The following ABTB2 variants were observed in gnomAD, a reference collection of about 807,000 sequenced individuals.
ABTB2 encodes the protein ankyrin repeat and BTB/POZ domain-containing protein 2.
A neutral mutation model predicts 104.1 loss-of-function variants in ABTB2; 56 were observed. The ratio of observed to expected loss-of-function variants is 0.54; its 90% CI spans 0.43 to 0.67. The LOEUF is 0.67. Among genes scored for constraint, ABTB2 ranks in the 30% least tolerant of loss-of-function variants. ABTB2 has a pLI of 0.00. For missense variants in ABTB2, 1,279 were observed against 1,407.7 expected (o/e 0.91, Z 1.46); for synonymous variants, 606 against 608.2 (o/e 1.00, Z 0.05).
chr11:34,216,373 C>T (rs368228004), intron 1 of ABTB2, among the ~76,000 whole-genome samples: 1 of 152,136 alleles, frequency 6.6e-6, no homozygotes, highest in South Asian at 2.1e-4. Context: ...TTTACTGTCT[C>T]CATAGTTTTG....
intron 1 of ABTB2, among the ~76,000 whole-genome samples, chr11:34,261,127 C>T (rs1461297276): frequency 6.6e-6 from 1 of 152,056 alleles, no homozygotes; most frequent in East Asian, 1.9e-4. Context: ...CATCTCCCCG[C>T]CTGCCCCCCC....
At chr11:34,298,583 C>A (rs7102645) in intron 1 of ABTB2, among the ~76,000 whole-genome samples, 15,064 of 152,068 alleles carry the variant, frequency 0.099, 2,313 homozygotes, top group African/African-American at 0.33. Flanking sequence ...GTGCCTCAGC[C>A]TTCCCAGTAG....
intron 1 of ABTB2, among the ~76,000 whole-genome samples, chr11:34,285,160 C>T (rs1029437050): frequency 6.6e-6 from 1 of 152,092 alleles, no homozygotes; most frequent in Admixed American, 6.6e-5. Flanking sequence ...AGGGTCTCTG[C>T]CAATCAAAAG....
chr11:34,292,491 C>T (rs949006565), intron 1 of ABTB2, among the ~76,000 whole-genome samples: 1 of 151,970 alleles, frequency 6.6e-6, no homozygotes, highest in Non-Finnish European at 1.5e-5. Context: ...CGAATCCAGT[C>T]AGTCATCTTA....
intron 1 of ABTB2, among the ~76,000 whole-genome samples, chr11:34,327,584 T>C (rs745650468): frequency 7.2e-5 from 11 of 152,196 alleles, no homozygotes; most frequent in Non-Finnish European, 1.3e-4. Flanking sequence ...AGGGACCTTG[T>C]TGGAAAAAGT....
At chr11:34,189,615 C>A (rs147406940) in intron 3 of ABTB2, among the ~76,000 whole-genome samples, 1 of 152,144 alleles carries the variant, frequency 6.6e-6, no homozygotes, top group Non-Finnish European at 1.5e-5. Flanking sequence ...ACAACAACCA[C>A]TCAACTAATT....
intron 1 of ABTB2, among the ~76,000 whole-genome samples, chr11:34,318,845 T>G (rs1854969645): frequency 6.6e-6 from 1 of 152,188 alleles, no homozygotes. Context: ...CTAGTCTAAG[T>G]AATCTATAAA....
At chr11:34,243,973 T>A (rs1467121706) in intron 1 of ABTB2, among the ~76,000 whole-genome samples, 1 of 152,216 alleles carries the variant, frequency 6.6e-6, no homozygotes, top group South Asian at 2.1e-4. Context: ...GGATAGGAAT[T>A]TGAAGCTTTG....
intron 1 of ABTB2, among the ~76,000 whole-genome samples, chr11:34,287,296 G>A (rs1327376161): frequency 3.3e-5 from 5 of 151,994 alleles, no homozygotes; most frequent in Non-Finnish European, 7.4e-5. Context: ...TCTTGGCTGG[G>A]TGTGGTGGCT....
intron 1 of ABTB2, among the ~76,000 whole-genome samples, chr11:34,351,537 C>T (rs1038715301): frequency 6.6e-6 from 1 of 152,140 alleles, no homozygotes; most frequent in African/African-American, 2.4e-5. Flanking sequence ...TGGATGTAGC[C>T]CCAAAATGCT....
chr11:34,208,663 T>A (rs192536111), intron 1 of ABTB2, among the ~76,000 whole-genome samples: 3 of 152,084 alleles, frequency 2.0e-5, no homozygotes, highest in Admixed American at 6.5e-5. Context: ...CTCAGACTCA[T>A]TACCTTGTTC....
chr11:34,271,245 C>T (rs1854310663), intron 1 of ABTB2, among the ~76,000 whole-genome samples: 1 of 152,226 alleles, frequency 6.6e-6, no homozygotes, highest in Non-Finnish European at 1.5e-5. Flanking sequence ...CACCCTTTCA[C>T]AAGACACCTT....
At chr11:34,182,379 G>A (rs931025225) in intron 3 of ABTB2, among the ~76,000 whole-genome samples, 2 of 151,656 alleles carry the variant, frequency 1.3e-5, no homozygotes, top group African/African-American at 4.9e-5. Context: ...TTCCCTCTTC[G>A]GACCCCCAGC....
intron 1 of ABTB2, among the ~76,000 whole-genome samples, chr11:34,311,925 G>A (rs1009764386): frequency 6.6e-6 from 1 of 152,180 alleles, no homozygotes; most frequent in African/African-American, 2.4e-5. Context: ...CGGAGCACCT[G>A]AGGTCAGGAG....
At chr11:34,338,975 A>G (rs576444092) in intron 1 of ABTB2, among the ~76,000 whole-genome samples, 62 of 152,334 alleles carry the variant, frequency 4.1e-4, no homozygotes, top group African/African-American at 1.2e-3. Flanking sequence ...CTACCTCTGC[A>G]GGATACTGTG....
intron 1 of ABTB2, among the ~76,000 whole-genome samples, chr11:34,307,668 T>C (rs1854793841): frequency 6.6e-6 from 1 of 152,078 alleles, no homozygotes; most frequent in Admixed American, 6.5e-5. Context: ...ATGTTAATGG[T>C]TTGAGTCTGG....
intron 1 of ABTB2, among the ~76,000 whole-genome samples, chr11:34,208,074 C>A (rs560238836): frequency 6.6e-6 from 1 of 152,198 alleles, no homozygotes; most frequent in Non-Finnish European, 1.5e-5. Flanking sequence ...TTCTCTACAT[C>A]AATTCTAAAT....
chr11:34,200,280 T>C (rs1853320214), intron 2 of ABTB2, among the ~76,000 whole-genome samples: 1 of 152,246 alleles, frequency 6.6e-6, no homozygotes, highest in Non-Finnish European at 1.5e-5. Context: ...TCTTTAATTA[T>C]TTTTATTGTT....
intron 1 of ABTB2, among the ~76,000 whole-genome samples, chr11:34,205,636 C>A (rs1344304221): frequency 6.6e-6 from 1 of 151,898 alleles, no homozygotes. Flanking sequence ...AAAATACCCA[C>A]AGGAATTTAA....
Sources: allele counts gnomAD v4.1 joint callset (sites outside exome capture counted in the v4.1 genomes callset), GRCh38; gene constraint gnomAD v4.1.1; transcripts MANE v1.5; gene names NCBI Gene and HGNC (gene_info 2026-07-23, HGNC 2026-07-21).